Variants in PCDH11Y observed in about 807,000 individuals in gnomAD.
PCDH11Y encodes protocadherin-11 Y-linked.
For missense variants in PCDH11Y, 12 were observed against 224.8 expected (o/e 0.05, Z 6.05); for synonymous variants, 9 against 83.6 (o/e 0.11, Z 4.87).
chrY:5,706,258 C>T (rs370468343), intron 4 of PCDH11Y, among the ~76,000 whole-genome samples: 1 of 32,069 alleles, frequency 3.1e-5, no homozygotes, highest in Non-Finnish European at 7.6e-5. Flanking sequence ...CTTTATCATA[C>T]GAAATTTGCT....
At chrY:5,545,149 C>A in intron 3 of PCDH11Y, among the ~76,000 whole-genome samples, 1 of 31,591 alleles carries the variant, frequency 3.2e-5, no homozygotes, top group Admixed American at 2.9e-4. Context: ...AAACGCACCA[C>A]CCAAGAAATA....
intron 3 of PCDH11Y, among the ~76,000 whole-genome samples, chrY:5,560,624 G>T: frequency 3.0e-5 from 1 of 33,055 alleles, no homozygotes; most frequent in Non-Finnish European, 7.5e-5. Context: ...TTCAAAGGGT[G>T]CAAGCTCCAA....
At chrY:5,489,516 T>C in intron 2 of PCDH11Y, among the ~76,000 whole-genome samples, 1 of 31,974 alleles carries the variant, frequency 3.1e-5, no homozygotes, top group South Asian at 6.8e-4. Context: ...AATGAATATA[T>C]TCTTGTTTCA....
At chrY:5,178,736 T>C in intron 2 of PCDH11Y, among the ~76,000 whole-genome samples, 1 of 32,095 alleles carries the variant, frequency 3.1e-5, no homozygotes, top group Admixed American at 2.9e-4. Flanking sequence ...TAGGTATTAA[T>C]CCCAGCATTG....
In PCDH11Y at chrY:5,250,406, G is replaced by A. The variant is rs1269531686; in HGVS notation, c.3129+149699G>A. ...TGATGATAGACTGGATAAAGAAAAT[G>A]TGGTACATATACACCATGGAATGCT... On this transcript the variant is annotated intron_variant, in intron 2 of 4. Coordinates refer to the PCDH11Y transcript ENST00000400457. 2.9e-3 allele frequency among the ~76,000 whole-genome samples: 94 copies of A among 32,521 alleles called. No individual in the cohort carries two copies. In the East Asian group the frequency reaches 0.075, roughly 26 times the overall value. The allele number at this position is 32,521 out of a possible 37,273, so 87.3% of individuals were successfully genotyped here.
At chrY:5,496,956 C>T in intron 2 of PCDH11Y, among the ~76,000 whole-genome samples, 2 of 32,891 alleles carry the variant, frequency 6.1e-5, no homozygotes, top group South Asian at 1.4e-3. Context: ...TCATCCATGT[C>T]CCTGCAAAGG....
At chrY:5,081,622 C>G (rs2052720395) in intron 1 of PCDH11Y, among the ~76,000 whole-genome samples, 52 of 30,126 alleles carry the variant, frequency 1.7e-3, no homozygotes, top group Non-Finnish European at 3.6e-3. Flanking sequence ...GTATTTGATT[C>G]TCTTTGTAGC....
At chrY:5,521,676 C>T in intron 3 of PCDH11Y, among the ~76,000 whole-genome samples, 1 of 27,807 alleles carries the variant, frequency 3.6e-5, no homozygotes, top group Non-Finnish European at 8.4e-5. Flanking sequence ...GCAGTTTTTT[C>T]GTAAAAGCAG....
At chrY:5,150,608 A>C in intron 2 of PCDH11Y, among the ~76,000 whole-genome samples, 1 of 33,672 alleles carries the variant, frequency 3.0e-5, no homozygotes, top group East Asian at 8.0e-4. Context: ...TATCTAAATA[A>C]TCTAGATAGA....
intron 2 of PCDH11Y, among the ~76,000 whole-genome samples, chrY:5,192,000 C>T: frequency 3.1e-5 from 1 of 31,995 alleles, no homozygotes; most frequent in Non-Finnish European, 7.6e-5. Flanking sequence ...CAGTGGCAAG[C>T]GCGCATTACC....
chrY:5,478,978 C>G (rs2053322873), intron 2 of PCDH11Y, among the ~76,000 whole-genome samples: 1 of 32,030 alleles, frequency 3.1e-5, no homozygotes, highest in Non-Finnish European at 7.6e-5. Flanking sequence ...GGTCTTGACT[C>G]TTAATCCAAT....
chrY:5,274,582 T>A, intron 2 of PCDH11Y, among the ~76,000 whole-genome samples: 1 of 34,073 alleles, frequency 2.9e-5, no homozygotes, highest in Admixed American at 2.7e-4. Flanking sequence ...TGACCTCAGG[T>A]GATCTGCCTG....
chrY:5,192,779 A>G, intron 2 of PCDH11Y, among the ~76,000 whole-genome samples: 1 of 32,545 alleles, frequency 3.1e-5, no homozygotes, highest in African/African-American at 1.2e-4. Context: ...TTAAGAATCA[A>G]CTCTTCACTG....
intron 2 of PCDH11Y, among the ~76,000 whole-genome samples, chrY:5,388,121 C>A: frequency 3.2e-5 from 1 of 31,374 alleles, no homozygotes; most frequent in African/African-American, 1.3e-4. Context: ...GCAAGCAGGG[C>A]TTTTGCACCT....
At chrY:5,265,303 G>A (rs2053024191) in intron 2 of PCDH11Y, among the ~76,000 whole-genome samples, 1 of 29,694 alleles carries the variant, frequency 3.4e-5, no homozygotes, top group Admixed American at 3.2e-4. Context: ...GACAATCAGT[G>A]GAGGCTTCTG....
intron 2 of PCDH11Y, among the ~76,000 whole-genome samples, chrY:5,331,849 C>T: frequency 5.9e-5 from 2 of 33,780 alleles, no homozygotes; most frequent in African/African-American, 1.2e-4. Flanking sequence ...GCAAAATAAA[C>T]GTTCTAAACT....
chrY:5,079,509 T>G, intron 1 of PCDH11Y, among the ~76,000 whole-genome samples: 1 of 31,305 alleles, frequency 3.2e-5, no homozygotes, highest in African/African-American at 1.3e-4. Flanking sequence ...CAAACCTCAG[T>G]TCTTGACTTC....
At chrY:5,149,573 AACACACAC>A (rs368668672) in intron 2 of PCDH11Y, among the ~76,000 whole-genome samples, 56 of 17,849 alleles carry the variant, frequency 3.1e-3, no homozygotes, top group South Asian at 0.011. Flanking sequence ...CACACACACA[AACACACAC>A]ACACACACAC....
chrY:5,348,988 C>T, intron 2 of PCDH11Y, among the ~76,000 whole-genome samples: 4 of 31,772 alleles, frequency 1.3e-4, no homozygotes, highest in Non-Finnish European at 3.0e-4. Flanking sequence ...ATTAGCTCGA[C>T]GTGGTGGTGC....
Sources: gnomAD v4.1 joint callset for allele counts (sites outside exome capture counted in the v4.1 genomes callset) on GRCh38, gnomAD v4.1.1 for gene constraint, MANE v1.5 for transcripts, NCBI Gene and HGNC (gene_info 2026-07-23, HGNC 2026-07-21) for gene names.